Variants in GPR39 observed in about 807,000 individuals in gnomAD.
GPR39 encodes zinc sensing receptor.
GPR39 carries 23 observed loss-of-function variants against 18.4 expected under a neutral mutation model. The ratio of observed to expected loss-of-function variants is 1.25; its 90% confidence interval spans 0.90 to 1.77. The LOEUF (loss-of-function observed/expected upper bound fraction) is 1.77. GPR39 is among the 40% of genes most tolerant of loss of function. GPR39 has a pLI of 0.00. For synonymous variants in GPR39, 280 were observed against 257.9 expected (o/e 1.09, Z -0.82); for missense variants, 647 against 602.4 (o/e 1.07, Z -0.78).
intron 1 of GPR39, among the ~76,000 whole-genome samples, chr2:132,630,428 G>T (rs1489482816): frequency 6.6e-6 from 1 of 152,170 alleles, no homozygotes; most frequent in Non-Finnish European, 1.5e-5. Context: ...GAGAGGGTTG[G>T]GTGTGAGGAG....
intron 1 of GPR39, among the ~76,000 whole-genome samples, chr2:132,460,643 T>A (rs547453599): frequency 1.3e-5 from 2 of 152,294 alleles, no homozygotes; most frequent in Non-Finnish European, 2.9e-5. Flanking sequence ...TGGCAGAGGT[T>A]AATTTCCAGT....
At chr2:132,627,097 T>C (rs1051103934) in intron 1 of GPR39, among the ~76,000 whole-genome samples, 3 of 152,176 alleles carry the variant, frequency 2.0e-5, no homozygotes, top group Admixed American at 1.3e-4. Context: ...ATTTTTTTTT[T>C]TCCAGCAGAT....
At chr2:132,484,087 T>C (rs1033343323) in intron 1 of GPR39, among the ~76,000 whole-genome samples, 6 of 152,182 alleles carry the variant, frequency 3.9e-5, no homozygotes, top group African/African-American at 1.4e-4. Flanking sequence ...CCATCTTCAG[T>C]TCCTTAGGCA....
At chr2:132,422,917 C>T (rs922519823) in intron 1 of GPR39, among the ~76,000 whole-genome samples, 1 of 151,980 alleles carries the variant, frequency 6.6e-6, no homozygotes, top group Admixed American at 6.5e-5. Flanking sequence ...CTGGGGGCTG[C>T]TGAAGTGTAA....
At chr2:132,457,292 G>A (rs1680745955) in intron 1 of GPR39, among the ~76,000 whole-genome samples, 1 of 152,092 alleles carries the variant, frequency 6.6e-6, no homozygotes, top group Non-Finnish European at 1.5e-5. Flanking sequence ...GCTTATGCGT[G>A]CATCATGAAG....
At chr2:132,508,023 A>T (rs2104755954) in intron 1 of GPR39, among the ~76,000 whole-genome samples, 1 of 152,218 alleles carries the variant, frequency 6.6e-6, no homozygotes, top group Admixed American at 6.5e-5. Context: ...TAGCCCCAAA[A>T]TCCTTCTCTG....
intron 1 of GPR39, among the ~76,000 whole-genome samples, chr2:132,475,660 G>C (rs1050130654): frequency 1.3e-5 from 2 of 152,056 alleles, no homozygotes; most frequent in Admixed American, 6.6e-5. Context: ...CTGCACATTT[G>C]ACCTACTTTG....
At chr2:132,457,263 G>T (rs1381614684) in intron 1 of GPR39, among the ~76,000 whole-genome samples, 16 of 152,146 alleles carry the variant, frequency 1.1e-4, no homozygotes, top group Non-Finnish European at 1.0e-4. Context: ...ACTTCCACTT[G>T]ATGGAATCAG....
At chr2:132,460,369 T>C (rs1164859638) in intron 1 of GPR39, among the ~76,000 whole-genome samples, 1 of 152,156 alleles carries the variant, frequency 6.6e-6, no homozygotes, top group Non-Finnish European at 1.5e-5. Context: ...AAAGTTGGCT[T>C]ATGCTAAAGT....
At chr2:132,626,364 T>A (rs1281293190) in intron 1 of GPR39, among the ~76,000 whole-genome samples, 6 of 152,188 alleles carry the variant, frequency 3.9e-5, no homozygotes, top group Non-Finnish European at 8.8e-5. Context: ...ACTTGGCTGC[T>A]GATGATAGTG....
intron 1 of GPR39, among the ~76,000 whole-genome samples, chr2:132,613,401 C>T (rs1270735671): frequency 1.3e-5 from 2 of 152,220 alleles, no homozygotes; most frequent in Admixed American, 6.5e-5. Context: ...TTAGGCAAAA[C>T]TTATGCATCC....
At chr2:132,499,791 T>C (rs1432152947) in intron 1 of GPR39, among the ~76,000 whole-genome samples, 2 of 152,110 alleles carry the variant, frequency 1.3e-5, no homozygotes, top group African/African-American at 4.8e-5. Flanking sequence ...TGTTCTTGAT[T>C]AGATATATTC....
At chr2:132,556,738 C>A (rs1412825133) in intron 1 of GPR39, among the ~76,000 whole-genome samples, 1 of 152,170 alleles carries the variant, frequency 6.6e-6, no homozygotes, top group East Asian at 1.9e-4. Flanking sequence ...AATCTACCCC[C>A]ACTTGGACAA....
intron 1 of GPR39, among the ~76,000 whole-genome samples, chr2:132,597,166 T>C (rs1334803243): frequency 6.6e-6 from 1 of 152,160 alleles, no homozygotes; most frequent in African/African-American, 2.4e-5. Context: ...AGCCAAGGAC[T>C]GGAGCTTCCA....
chr2:132,594,858 A>G (rs1345337004), intron 1 of GPR39, among the ~76,000 whole-genome samples: 1 of 152,220 alleles, frequency 6.6e-6, no homozygotes, highest in East Asian at 1.9e-4. Flanking sequence ...AATGAATCTA[A>G]TAATGGTACT....
intron 1 of GPR39, among the ~76,000 whole-genome samples, chr2:132,552,901 TACACAC>T (rs1289375404): frequency 2.0e-5 from 2 of 97,624 alleles, no homozygotes; most frequent in Non-Finnish European, 3.9e-5. Context: ...CATATATATA[TACACAC>T]ACATATATAT....
chr2:132,646,303 C>T lies in GPR39; in HGVS notation c.*697C>T. 1 of 1,424,308 alleles carries T rather than the reference C, an allele frequency of 7.0e-7. No individual in the cohort carries two copies. 88.2% of individuals were successfully genotyped at this position (1,424,308 alleles called of 1,614,324 possible). On this transcript the variant is annotated 3_prime_UTR_variant, in exon 2 of 2. Coordinates refer to ENST00000329321, the MANE Select transcript of GPR39 (RefSeq NM_001508.3). Reference sequence around the variant, plus strand: ...TCCCTGTAACACAGACCCAAAGGAGCTGAGTTAACGTGCACCGGCAAAAGA... The same window carrying T: ...TCCCTGTAACACAGACCCAAAGGAGTTGAGTTAACGTGCACCGGCAAAAGA...
At chr2:132,520,254 G>A (rs539128830) in intron 1 of GPR39, among the ~76,000 whole-genome samples, 1 of 152,236 alleles carries the variant, frequency 6.6e-6, no homozygotes, top group Admixed American at 6.5e-5. Context: ...CAAGGCAAAT[G>A]CCTTTGATAC....
At chr2:132,434,246 C>T (rs1426899044) in intron 1 of GPR39, among the ~76,000 whole-genome samples, 1 of 152,138 alleles carries the variant, frequency 6.6e-6, no homozygotes, top group Non-Finnish European at 1.5e-5. Context: ...CTGTTTTGTT[C>T]AAATGCTGTT....
Sources: gnomAD v4.1 joint callset for allele counts (sites outside exome capture counted in the v4.1 genomes callset) on GRCh38, gnomAD v4.1.1 for gene constraint, MANE v1.5 for transcripts, NCBI Gene and HGNC (gene_info 2026-07-23, HGNC 2026-07-21) for gene names.